ASIC2: variants seen among roughly 807,000 people sequenced by gnomAD.
ASIC2 encodes acid-sensing ion channel 2.
ASIC2 carries 25 observed loss-of-function variants against 57.3 expected under a neutral mutation model. The observed-to-expected ratio is 0.44, with a 90% CI of 0.32 to 0.61. ASIC2 has a LOEUF of 0.61. Ranked by LOEUF, ASIC2 falls within the 20% of genes least tolerant of loss-of-function variation. The pLI is 0.06. For synonymous variants in ASIC2, 319 were observed against 307.5 expected (o/e 1.04, Z -0.39); for missense variants, 641 against 738.1 (o/e 0.87, Z 1.52).
intron 3 of ASIC2, among the ~76,000 whole-genome samples, chr17:33,080,475 G>A (rs918204495): frequency 2.0e-5 from 3 of 152,064 alleles, no homozygotes; most frequent in Admixed American, 1.3e-4. Context: ...ACGGGGATAC[G>A]TTCCAAGACC....
intron 1 of ASIC2, among the ~76,000 whole-genome samples, chr17:33,226,568 C>T (rs563177196): frequency 9.4e-4 from 143 of 152,280 alleles, no homozygotes; most frequent in African/African-American, 3.3e-3. Flanking sequence ...CAGTCACTCT[C>T]GTCATTTTTT....
At chr17:34,024,345 C>T (rs1254847921) in intron 1 of ASIC2, among the ~76,000 whole-genome samples, 1 of 152,252 alleles carries the variant, frequency 6.6e-6, no homozygotes, top group Non-Finnish European at 1.5e-5. Context: ...TCCCCCAACA[C>T]ATGCACAAGT....
At chr17:33,082,810 C>A (rs1318253784) in intron 3 of ASIC2, among the ~76,000 whole-genome samples, 1 of 152,086 alleles carries the variant, frequency 6.6e-6, no homozygotes, top group Non-Finnish European at 1.5e-5. Flanking sequence ...GGTGCTGTCC[C>A]CATACCGCAT....
intron 3 of ASIC2, among the ~76,000 whole-genome samples, chr17:33,082,635 G>T (rs2092117369): frequency 6.6e-6 from 1 of 151,942 alleles, no homozygotes; most frequent in South Asian, 2.1e-4. Flanking sequence ...GGAGGTGGAG[G>T]TTGCAGTGAG....
At chr17:33,395,994 C>T (rs1343531856) in intron 1 of ASIC2, among the ~76,000 whole-genome samples, 1 of 152,172 alleles carries the variant, frequency 6.6e-6, no homozygotes, top group Non-Finnish European at 1.5e-5. Context: ...GCCAGAGAAG[C>T]TGTAAATGGA....
At chr17:33,255,294 C>A (rs1909025659) in intron 1 of ASIC2, among the ~76,000 whole-genome samples, 1 of 151,858 alleles carries the variant, frequency 6.6e-6, no homozygotes. Flanking sequence ...CTCACCTCGG[C>A]CTCCCAAAGT....
chr17:33,370,531 A>C (rs887597942), intron 1 of ASIC2, among the ~76,000 whole-genome samples: 1 of 152,194 alleles, frequency 6.6e-6, no homozygotes, highest in Non-Finnish European at 1.5e-5. Context: ...AGCAGTCAAA[A>C]CCAAAGCAAG....
rs189600646 is a variant in ASIC2, at chr17:34,097,415, G to T, written c.555+58563C>A. On this transcript the variant is annotated intron_variant, in intron 1 of 9. Coordinates refer to the ASIC2 transcript ENST00000359872. ...CTAGCACATTCTCTACATGTTGTGG[G>T]TTGAATAGAGTCCCCCAAAACAGAC... is the stretch of plus-strand genomic sequence containing the variant. Among the ~76,000 whole-genome samples the T allele has an allele frequency of 1.1e-4, 17 of 152,290 alleles. No homozygotes were observed. In the East Asian group the frequency reaches 2.9e-3, roughly 26 times the overall value.
At position 33,313,291 on chromosome 17, in the gene ASIC2, G is replaced by A. The variant is rs1906509658; in HGVS notation, c.556-201224C>T. On this transcript the variant is annotated intron_variant, in intron 1 of 9. Coordinates refer to the ASIC2 transcript ENST00000359872. The stretch of plus-strand genomic sequence containing the variant: ...TCAGTGAGCTATGATTGCCGTCACT[G>A]CACTCTGCCCTGGGAAACAGAGCGA... Among the ~76,000 whole-genome samples, 3 of 151,166 alleles carry A rather than the reference G, an allele frequency of 2.0e-5. No homozygotes were observed. The South Asian group carries it at 6.3e-4, about 32-fold the overall frequency.
chr17:34,075,996 T>C (rs1292792335), intron 1 of ASIC2, among the ~76,000 whole-genome samples: 2 of 151,194 alleles, frequency 1.3e-5, no homozygotes, highest in African/African-American at 2.4e-5. Context: ...ACCTGGCTAT[T>C]ATTTTTTATT....
intron 1 of ASIC2, among the ~76,000 whole-genome samples, chr17:33,497,331 G>T (rs1913967792): frequency 6.6e-6 from 1 of 152,234 alleles, no homozygotes; most frequent in Admixed American, 6.5e-5. Context: ...GGCCCATAGG[G>T]CTGTTTCCAA....
chr17:33,980,205 T>G (rs1905561119), intron 1 of ASIC2, among the ~76,000 whole-genome samples: 1 of 151,902 alleles, frequency 6.6e-6, no homozygotes, highest in Non-Finnish European at 1.5e-5. Context: ...GCTGGGAGCA[T>G]GGTGGAAGGA....
At chr17:33,534,150 A>C (rs1469095887) in intron 1 of ASIC2, 1 of 152,164 alleles carries the variant, frequency 6.6e-6, no homozygotes, top group Non-Finnish European at 1.5e-5. Context: ...AGGTTAACAT[A>C]ATGGTTTTGC....
At chr17:34,104,580 A>G (rs1567823638) in intron 1 of ASIC2, among the ~76,000 whole-genome samples, 1 of 152,078 alleles carries the variant, frequency 6.6e-6, no homozygotes, top group African/African-American at 2.4e-5. Context: ...TCAAGAATTA[A>G]CAATAGACTC....
intron 1 of ASIC2, among the ~76,000 whole-genome samples, chr17:34,040,272 C>T (rs900815535): frequency 2.7e-5 from 4 of 149,684 alleles, no homozygotes; most frequent in African/African-American, 1.0e-4. Context: ...GTGTCGGAAC[C>T]GCTGGTGCCC....
At chr17:33,529,564 G>T (rs1035655129) in intron 1 of ASIC2, among the ~76,000 whole-genome samples, 93 of 152,240 alleles carry the variant, frequency 6.1e-4, no homozygotes, top group Admixed American at 3.1e-3. Context: ...ACAACAGATT[G>T]TTTGGGGTTT....
At chr17:33,070,551 TG>T (rs1174818946) in intron 3 of ASIC2, among the ~76,000 whole-genome samples, 3 of 152,128 alleles carry the variant, frequency 2.0e-5, no homozygotes, top group Admixed American at 1.3e-4. Context: ...TTGGCCAGTA[TG>T]GTCTCGATCT....
At chr17:33,583,658 A>G (rs1429149294) in intron 1 of ASIC2, among the ~76,000 whole-genome samples, 1 of 152,212 alleles carries the variant, frequency 6.6e-6, no homozygotes, top group Non-Finnish European at 1.5e-5. Context: ...TCTCTATAAT[A>G]GAAACTATAG....
chr17:33,350,016 TCA>T (rs1432809541), intron 1 of ASIC2, among the ~76,000 whole-genome samples: 2 of 152,216 alleles, frequency 1.3e-5, no homozygotes, highest in Non-Finnish European at 2.9e-5. Flanking sequence ...GTGAAAACTC[TCA>T]GTCTTCCTTG....
Sources: allele counts gnomAD v4.1 joint callset (sites outside exome capture counted in the v4.1 genomes callset), GRCh38; gene constraint gnomAD v4.1.1; transcripts MANE v1.5; gene names NCBI Gene and HGNC (gene_info 2026-07-23, HGNC 2026-07-21).